Variants in CCDC73 observed in about 807,000 individuals in gnomAD.
The protein encoded by CCDC73 is coiled-coil domain containing 73.
A neutral mutation model predicts 116.5 loss-of-function variants in CCDC73; 95 were observed. The observed-to-expected ratio is 0.82, with a 90% CI of 0.69 to 0.97. The LOEUF is 0.97. Ranked by LOEUF, CCDC73 falls within the 50% of genes least tolerant of loss-of-function variation. CCDC73 has a pLI of 0.00. For missense variants in CCDC73, 1,066 were observed against 1,206.8 expected (o/e 0.88, Z 1.73); for synonymous variants, 398 against 401.3 (o/e 0.99, Z 0.10).
intron 1 of CCDC73, among the ~76,000 whole-genome samples, chr11:32,776,960 TAC>T (rs61055031): frequency 1.6e-4 from 6 of 37,852 alleles, no homozygotes; most frequent in African/African-American, 2.5e-4. Context: ...TATATATATA[TAC>T]ACACACACAC....
At chr11:32,716,594 G>A (rs1259265734) in intron 3 of CCDC73, among the ~76,000 whole-genome samples, 4 of 152,024 alleles carry the variant, frequency 2.6e-5, no homozygotes, top group East Asian at 1.9e-4. Flanking sequence ...ACAGAGCCTC[G>A]CTCTGCACCC....
chr11:32,778,390 TA>T (rs1309650215), intron 1 of CCDC73, among the ~76,000 whole-genome samples: 2 of 152,198 alleles, frequency 1.3e-5, no homozygotes, highest in Non-Finnish European at 2.9e-5. Flanking sequence ...TCTAGAAAAA[TA>T]TTTTTTTGTT....
intron 14 of CCDC73, among the ~76,000 whole-genome samples, chr11:32,631,128 A>T (rs1221029752): frequency 6.6e-6 from 1 of 152,270 alleles, no homozygotes; most frequent in African/African-American, 2.4e-5. Context: ...GTTCACAGTT[A>T]TGATTAAAGA....
Position 32,625,950 on chromosome 11 carries a change from A to C in CCDC73, c.1185+9746T>G, listed in dbSNP as rs1381650976. 2.2e-5 allele frequency among the ~76,000 whole-genome samples: 3 copies of C among 137,728 alleles called. 1 individual carries two copies. Among genetic ancestry groups the C allele is most frequent in the Non-Finnish European group, 4.9e-5 (3 of 61,788 alleles). The allele number at this position is 137,728 out of a possible 152,430, so 90.4% of individuals were successfully genotyped here. On this transcript the variant is annotated intron_variant, in intron 14 of 17. Coordinates refer to ENST00000335185, the MANE Select transcript of CCDC73 (RefSeq NM_001008391.4). ...AGGGATGCCCTCTCTCACCGTTCCT[A>C]TTCAACATAGTGTTGGAAGTTCTGG...
chr11:32,724,171 A>C (rs1377258941), intron 2 of CCDC73, among the ~76,000 whole-genome samples: 1 of 152,116 alleles, frequency 6.6e-6, no homozygotes, highest in Non-Finnish European at 1.5e-5. Flanking sequence ...TATTTACCAC[A>C]TATTATACCA....
chr11:32,693,318 A>G (rs1856277493), intron 6 of CCDC73, among the ~76,000 whole-genome samples: 1 of 152,248 alleles, frequency 6.6e-6, no homozygotes, highest in South Asian at 2.1e-4. Context: ...CCTTAACTGA[A>G]CAGAAATTTT....
chr11:32,637,540 A>C (rs1855693027), intron 13 of CCDC73, among the ~76,000 whole-genome samples: 1 of 151,736 alleles, frequency 6.6e-6, no homozygotes, highest in Admixed American at 6.6e-5. Flanking sequence ...CTTCCATGCT[A>C]GTACTCTCTC....
chr11:32,686,145 C>T (rs1856197658), intron 6 of CCDC73, among the ~76,000 whole-genome samples: 1 of 126,688 alleles, frequency 7.9e-6, no homozygotes, highest in South Asian at 2.7e-4. Context: ...TGAAGGAGGA[C>T]TAGGGTGTTA....
At chr11:32,760,862 G>A (rs939845604) in intron 1 of CCDC73, among the ~76,000 whole-genome samples, 3 of 152,050 alleles carry the variant, frequency 2.0e-5, no homozygotes, top group Non-Finnish European at 4.4e-5. Flanking sequence ...AATAACCCCC[G>A]CAAATGTTAA....
the CCDC73 span, among the ~76,000 whole-genome samples, chr11:32,818,946 G>T: frequency 2.6e-5 from 4 of 152,138 alleles, 1 homozygote; most frequent in Non-Finnish European, 1.5e-5. Flanking sequence ...TGAGTACAGG[G>T]CTTCTTTTGG....
intron 9 of CCDC73, among the ~76,000 whole-genome samples, chr11:32,667,112 G>C (rs1392787502): frequency 6.6e-6 from 1 of 152,208 alleles, no homozygotes; most frequent in South Asian, 2.1e-4. Flanking sequence ...CGGAGGTCAG[G>C]GACCCACTTG....
the CCDC73 span, among the ~76,000 whole-genome samples, chr11:32,828,568 G>T: frequency 6.6e-6 from 1 of 151,522 alleles, no homozygotes; most frequent in Non-Finnish European, 1.5e-5. Context: ...CCCAGCAAGT[G>T]CCAGACCACT....
intron 2 of CCDC73, among the ~76,000 whole-genome samples, chr11:32,726,638 T>C (rs139714682): frequency 4.0e-4 from 61 of 152,206 alleles, no homozygotes; most frequent in Admixed American, 2.0e-3. Context: ...AGAAAACACA[T>C]TCTTTTCAAA....
At chr11:32,664,690 T>A (rs1855963875) in intron 9 of CCDC73, among the ~76,000 whole-genome samples, 2 of 152,220 alleles carry the variant, frequency 1.3e-5, no homozygotes, top group Admixed American at 1.3e-4. Flanking sequence ...TCTGCTACAA[T>A]CTTAGTTATT....
intron 2 of CCDC73, among the ~76,000 whole-genome samples, chr11:32,749,977 TCTC>T (rs1383974418): frequency 1.3e-5 from 2 of 151,916 alleles, no homozygotes; most frequent in African/African-American, 4.8e-5. Flanking sequence ...TTCAAGCCAT[TCTC>T]CTGCCTCAGC....
chr11:32,796,237 A>G (rs1300366595), upstream of CCDC73, among the ~76,000 whole-genome samples: 1 of 152,236 alleles, frequency 6.6e-6, no homozygotes, highest in Non-Finnish European at 1.5e-5. Flanking sequence ...TCGTGAAAAC[A>G]GAGATGAATT....
intron 1 of CCDC73, among the ~76,000 whole-genome samples, chr11:32,764,875 T>G (rs1002968659): frequency 1.3e-5 from 2 of 152,146 alleles, no homozygotes; most frequent in Non-Finnish European, 2.9e-5. Flanking sequence ...ACCCATCTCA[T>G]GTGCAGAGAC....
chr11:32,756,990 A>G (rs1156988190), intron 2 of CCDC73, among the ~76,000 whole-genome samples: 2 of 152,180 alleles, frequency 1.3e-5, no homozygotes, highest in Non-Finnish European at 2.9e-5. Flanking sequence ...GAATATGCAC[A>G]GCAATATGAA....
intron 3 of CCDC73, among the ~76,000 whole-genome samples, chr11:32,706,410 A>T (rs1180690046): frequency 6.6e-6 from 1 of 152,206 alleles, no homozygotes; most frequent in Non-Finnish European, 1.5e-5. Flanking sequence ...TTAGAACACA[A>T]ATAAAATAAA....
Sources: gnomAD v4.1 joint callset for allele counts (sites outside exome capture counted in the v4.1 genomes callset) on GRCh38, gnomAD v4.1.1 for gene constraint, MANE v1.5 for transcripts, NCBI Gene and HGNC (gene_info 2026-07-23, HGNC 2026-07-21) for gene names.